Variants in ANAPC7 observed in about 807,000 individuals in gnomAD.
ANAPC7 encodes anaphase promoting complex subunit 7, also known as anaphase-promoting complex subunit 7.
A neutral mutation model predicts 63.3 loss-of-function variants in ANAPC7; 25 were observed. That is an observed-to-expected ratio of 0.39 (90% CI 0.29 to 0.55). The LOEUF is 0.55. ANAPC7 is among the 20% of genes least tolerant of loss of function. The pLI, the probability that ANAPC7 is intolerant of heterozygous loss-of-function variation, is 0.57. For synonymous variants in ANAPC7, 241 were observed against 251.7 expected, an observed-to-expected ratio of 0.96 and a Z score of 0.40; for missense variants, 516 against 691.7, an observed-to-expected ratio of 0.75 and a Z score of 2.85.
chr12:110,385,355 A>C, intron 6 of ANAPC7, among the ~76,000 whole-genome samples: 1 of 152,164 alleles, frequency 6.6e-6, no homozygotes, highest in Non-Finnish European at 1.5e-5. Flanking sequence ...GCTCACTGTT[A>C]CCCATCTCTT....
intron 3 of ANAPC7, 128 bp from the exon 4 acceptor site, chr12:110,388,751 T>G: frequency 1.4e-6 from 1 of 696,246 alleles, no homozygotes; most frequent in Non-Finnish European, 2.4e-6. Flanking sequence ...CACAACCCTG[T>G]GCAAATAAAG....
At chr12:110,399,932 A>T (rs1396220139) in intron 1 of ANAPC7, among the ~76,000 whole-genome samples, 2 of 152,082 alleles carry the variant, frequency 1.3e-5, no homozygotes, top group Admixed American at 1.3e-4. Flanking sequence ...CGTCTCTACT[A>T]AAAATACGAA....
chr12:110,389,018 C>T (rs1191251915), intron 3 of ANAPC7, among the ~76,000 whole-genome samples: 1 of 147,448 alleles, frequency 6.8e-6, no homozygotes, highest in Admixed American at 6.9e-5. Flanking sequence ...GGAGGCGGAG[C>T]TTGCAGTGAA....
At chr12:110,376,568 C>CGAAAAAAAAA (rs1881292552) in intron 9 of ANAPC7, among the ~76,000 whole-genome samples, 1 of 62,400 alleles carries the variant, frequency 1.6e-5, no homozygotes, top group Non-Finnish European at 2.7e-5. Context: ...GACTCCATCT[C>CGAAAAAAAAA]AAAAAAAAAA....
At chr12:110,392,192 G>T (rs560446662) in intron 3 of ANAPC7, among the ~76,000 whole-genome samples, 1 of 151,736 alleles carries the variant, frequency 6.6e-6, no homozygotes, top group South Asian at 2.1e-4. Flanking sequence ...TATTCTTGGA[G>T]TAAGAGAAGA....
At chr12:110,375,142 C>T (rs933316047) in intron 10 of ANAPC7, among the ~76,000 whole-genome samples, 10 of 152,168 alleles carry the variant, frequency 6.6e-5, no homozygotes, top group South Asian at 2.1e-4. Context: ...AAATGCGGAC[C>T]GATCTGTAAC....
chr12:110,374,108 A>G lies in ANAPC7; in HGVS notation c.*36T>C, dbSNP rs759408589. 3.2e-6 allele frequency: 5 copies of G among 1,579,630 alleles called. No homozygotes were observed. The highest frequency in any genetic ancestry group is 1.3e-5 in the African/African-American group (1 of 74,508). ...TTCAGTCCACGGAAGTGCTCAGAGC[A>G]GGGCAGGCCACTGCGGCCATGGAGC... On this transcript the variant is annotated 3_prime_UTR_variant, in exon 11 of 11. Coordinates refer to ENST00000455511, the MANE Select transcript of ANAPC7 (RefSeq NM_016238.3).
chr12:110,401,808 C>T (rs2062232377), intron 1 of ANAPC7, among the ~76,000 whole-genome samples: 1 of 151,898 alleles, frequency 6.6e-6, no homozygotes, highest in Middle Eastern at 3.4e-3. Context: ...CCTGTCTCTA[C>T]TAAAAATACA....
intron 8 of ANAPC7, chr12:110,378,778 C>T (rs1881539972): frequency 6.6e-6 from 1 of 152,194 alleles, no homozygotes; most frequent in African/African-American, 2.4e-5. Flanking sequence ...CATACTCCTC[C>T]ACCCTAGCAG....
chr12:110,402,659 G>A (rs1359089281), intron 1 of ANAPC7, among the ~76,000 whole-genome samples: 2 of 151,766 alleles, frequency 1.3e-5, no homozygotes, highest in African/African-American at 2.4e-5. Context: ...GCAGGAGAGG[G>A]ACATGCACTC....
At chr12:110,383,118 C>A in intron 6 of ANAPC7, 158 bp from the exon 7 acceptor site, 1 of 588,124 alleles carries the variant, frequency 1.7e-6, no homozygotes, top group Admixed American at 2.7e-5. Flanking sequence ...ACTACTATTT[C>A]CAGTTTCCTA....
chr12:110,380,154 C>T (rs1881682530), intron 8 of ANAPC7, among the ~76,000 whole-genome samples: 3 of 152,182 alleles, frequency 2.0e-5, no homozygotes, highest in South Asian at 2.1e-4. Context: ...AGTTCGGGAC[C>T]AGCCTGGCTA....
intron 1 of ANAPC7, among the ~76,000 whole-genome samples, chr12:110,397,902 A>T (rs2062167631): frequency 6.6e-6 from 1 of 151,684 alleles, no homozygotes; most frequent in African/African-American, 2.4e-5. Context: ...TCTTTTAAAA[A>T]AAAAAAGATC....
intron 3 of ANAPC7, among the ~76,000 whole-genome samples, chr12:110,390,705 T>C (rs1348270217): frequency 6.6e-6 from 1 of 152,146 alleles, no homozygotes; most frequent in East Asian, 1.9e-4. Context: ...GAAAAATACT[T>C]AAAAGGAAAA....
chr12:110,391,661 A>T (rs1438347439), intron 3 of ANAPC7, among the ~76,000 whole-genome samples: 1 of 152,224 alleles, frequency 6.6e-6, no homozygotes, highest in Non-Finnish European at 1.5e-5. Context: ...AAAATCAAGC[A>T]GTGGATGCTA....
intron 4 of ANAPC7, among the ~76,000 whole-genome samples, chr12:110,388,259 CCTG>C (rs1487006831): frequency 6.6e-6 from 1 of 151,984 alleles, no homozygotes; most frequent in Admixed American, 6.6e-5. Context: ...CTGGTCTCGA[CCTG>C]CTGAGCTCAG....
intron 5 of ANAPC7, 165 bp from the exon 6 acceptor site, chr12:110,386,634 A>C: frequency 3.3e-6 from 2 of 609,238 alleles, no homozygotes; most frequent in Non-Finnish European, 5.5e-6. Context: ...GTTATATAGG[A>C]CAGGATAGCA....
chr12:110,390,898 AAGTCAATT>A (rs1372072424), intron 3 of ANAPC7, among the ~76,000 whole-genome samples: 8 of 152,234 alleles, frequency 5.3e-5, no homozygotes, highest in African/African-American at 1.7e-4. Flanking sequence ...CCTAATGAAA[AAGTCAATT>A]ATTGGCCGGG....
intron 5 of ANAPC7, chr12:110,386,686 A>G: frequency 2.1e-6 from 1 of 469,220 alleles, no homozygotes; most frequent in Non-Finnish European, 3.7e-6. Flanking sequence ...ACCAACAAAT[A>G]ACTCTGTGGT....
Sources: allele counts gnomAD v4.1 joint callset (sites outside exome capture counted in the v4.1 genomes callset), GRCh38; gene constraint gnomAD v4.1.1; transcripts MANE v1.5; gene names NCBI Gene and HGNC (gene_info 2026-07-23, HGNC 2026-07-21).